The following RC3H2 variants were observed in gnomAD, a reference collection of about 807,000 sequenced individuals.
The protein encoded by RC3H2 is roquin-2.
Under a neutral mutation model 133.3 loss-of-function variants are expected in RC3H2, and 31 were observed. The observed-to-expected ratio is 0.23, with a 90% CI of 0.17 to 0.31. The LOEUF (loss-of-function observed/expected upper bound fraction) is 0.31. Among genes scored for constraint, RC3H2 ranks in the 10% least tolerant of loss-of-function variants. RC3H2 has a pLI of 1.00. For missense variants in RC3H2, 1,175 were observed against 1,437.2 expected (o/e 0.82, Z 2.95); for synonymous variants, 517 against 502.2 (o/e 1.03, Z -0.40).
chr9:122,879,640 G>T (rs1000793870), intron 8 of RC3H2, 115 bp downstream of exon 8: 13 of 692,350 alleles, frequency 1.9e-5, no homozygotes, highest in African/African-American at 1.8e-4. Context: ...GAATAGAGAT[G>T]ATAGAAACTT....
intron 13 of RC3H2, among the ~76,000 whole-genome samples, chr9:122,856,249 A>G (rs1164252654): frequency 7.2e-5 from 11 of 152,046 alleles, no homozygotes. Context: ...AAAGGAGTTT[A>G]TAATTTTCTT....
intron 8 of RC3H2, among the ~76,000 whole-genome samples, chr9:122,878,321 C>T (rs931555656): frequency 1.2e-4 from 18 of 152,138 alleles, no homozygotes; most frequent in Admixed American, 9.8e-4. Flanking sequence ...GGCTGGAGTG[C>T]AGTGGCGCCA....
chr9:122,852,921 C>T (rs1038750354), intron 18 of RC3H2, among the ~76,000 whole-genome samples: 151 of 151,888 alleles, frequency 9.9e-4, no homozygotes, highest in African/African-American at 3.5e-3. Context: ...ATGACAATGG[C>T]GGTTTTGTGG....
chr9:122,859,818 GATTA>G (rs1830388964), intron 11 of RC3H2, 95 bp downstream of exon 11: 2 of 1,019,470 alleles, frequency 2.0e-6, no homozygotes, highest in African/African-American at 1.6e-5. Context: ...TAGTCAAAAG[GATTA>G]ATTTTTTTAA....
In RC3H2 at chr9:122,855,710, T is replaced by A; in HGVS notation, c.2601+22A>T. 3 of 1,602,794 alleles carry A rather than the reference T, an allele frequency of 1.9e-6. No homozygotes were observed. The South Asian group carries it at 3.4e-5, about 18-fold the overall frequency. On this transcript the variant is annotated intron_variant, in intron 14 of 20. Transcript: ENST00000357244. Reference sequence around the variant, plus strand: ...TGCATCATCTCTCACCTCCAACCCCTGCAACCCCAGCAAAATCATACCATT... The same window carrying A: ...TGCATCATCTCTCACCTCCAACCCCAGCAACCCCAGCAAAATCATACCATT...
intron 6 of RC3H2, 179 bp from the exon 7 acceptor site, chr9:122,880,304 G>C (rs1293035764): frequency 1.2e-6 from 1 of 850,630 alleles, no homozygotes; most frequent in Non-Finnish European, 2.0e-6. Flanking sequence ...TTCATCATTA[G>C]ACACTTAGAA....
chr9:122,851,557 G>A, intron 18 of RC3H2, 121 bp from the exon 19 acceptor site: 6 of 1,326,600 alleles, frequency 4.5e-6, no homozygotes, highest in Non-Finnish European at 6.1e-6. Context: ...GCCGAAGCTG[G>A]ACTATACTGC....
rs370314971 is a variant in RC3H2, at chr9:122,859,101, T to A, written c.1851A>T (p.Gly617=). 122 of 1,541,146 alleles carry A rather than the reference T, an allele frequency of 7.9e-5. No individual in the cohort carries two copies. The highest frequency in any genetic ancestry group is 1.0e-4 in the Non-Finnish European group (120 of 1,144,612). Residue 617 remains glycine (G), a splice_region_variant and synonymous_variant, in exon 12 of 21, where the codon GGA becomes GGT. Coordinates refer to ENST00000357244, the MANE Select transcript of RC3H2 (RefSeq NM_001100588.3). ...GTACCGTTGGAGGTGGTGGATAGTA[T>A]CCTTGAAAATTGGAAAGAGGAATAT... ...PFEVPQYPQT[G]YYPPPPTVPA... is the part of the protein sequence containing the mutation.
intron 1 of RC3H2, among the ~76,000 whole-genome samples, chr9:122,902,079 G>A (rs576536037): frequency 2.6e-5 from 4 of 151,998 alleles, no homozygotes; most frequent in East Asian, 3.9e-4. Context: ...ACAGGCATGC[G>A]CCACCAGGCC....
chr9:122,864,715 G>C (rs1271409784), intron 10 of RC3H2, among the ~76,000 whole-genome samples: 1 of 151,916 alleles, frequency 6.6e-6, no homozygotes, highest in Non-Finnish European at 1.5e-5. Flanking sequence ...CCGCCTCCTG[G>C]GTTCATGCCA....
At chr9:122,896,809 C>T (rs759643077) in intron 2 of RC3H2, among the ~76,000 whole-genome samples, 11 of 151,750 alleles carry the variant, frequency 7.2e-5, no homozygotes, top group Non-Finnish European at 1.0e-4. Context: ...GATCACCTGA[C>T]GTCAGGAGCT....
chr9:122,904,421 T>G (rs1832764298), intron 1 of RC3H2, among the ~76,000 whole-genome samples: 1 of 152,198 alleles, frequency 6.6e-6, no homozygotes, highest in African/African-American at 2.4e-5. Context: ...TAGAAAAAAG[T>G]ACAGCTGCTT....
chr9:122,858,790 T>A lies in RC3H2; in HGVS notation c.2162A>T (p.Asp721Val). Residue 721 changes from aspartate (D) to valine (V), a missense_variant, in exon 12 of 21, where the codon GAT becomes GTT. Physicochemically the swap from Asp to Val is radical, Grantham distance 152. Around this residue, in one of 8 missense-constraint regions of RC3H2, gnomAD observed 490 missense variants for 492.8 expected, o/e 0.99. Coordinates refer to ENST00000357244, the MANE Select transcript of RC3H2 (RefSeq NM_001100588.3). ...CTGATAGACAGATGAGTGCATCACA[T>A]CCATTGGAGGTAAAGAATTGCTTCT... The part of the protein sequence containing the change: ...IIRSNSLPPM[D>V]VMHSSVYQTS... The A allele has an allele frequency of 6.2e-7, 1 of 1,614,258 alleles. No individual in the cohort carries two copies. The highest frequency in any genetic ancestry group is 8.5e-7 in the Non-Finnish European group (1 of 1,180,038).
chr9:122,869,392 G>T (rs1208792864), intron 9 of RC3H2, among the ~76,000 whole-genome samples: 1 of 151,964 alleles, frequency 6.6e-6, no homozygotes, highest in Non-Finnish European at 1.5e-5. Flanking sequence ...TAGTCCTCTG[G>T]TATCTATAAA....
rs1439031847 is a variant in RC3H2, at chr9:122,857,949, G to A, written c.2428C>T (p.Leu810=). Residue 810 remains leucine (L), a synonymous_variant, in exon 13 of 21, where the codon CTG becomes TTG. Transcript: ENST00000357244. ...ATQSPTPPSP[L]FSVDFRADFS... is the part of the protein sequence containing the mutation. ...TCCGCACGAAAGTCTACACTGAACA[G>A]AGGAGAAGGTGGTGTTGGTGACTGT... The A allele has an allele frequency of 5.6e-6, 9 of 1,614,062 alleles. No individual in the cohort carries two copies. Among genetic ancestry groups the A allele is most frequent in the South Asian group, 4.4e-5 (4 of 91,086 alleles).
chr9:122,901,928 C>CTTT (rs542589870), intron 1 of RC3H2, among the ~76,000 whole-genome samples: 5 of 116,848 alleles, frequency 4.3e-5, no homozygotes, highest in Non-Finnish European at 7.4e-5. Flanking sequence ...ATAACTACTT[C>CTTT]TTTTTTTTTT....
chr9:122,876,076 C>T (rs911116676), intron 9 of RC3H2, among the ~76,000 whole-genome samples: 1 of 151,928 alleles, frequency 6.6e-6, no homozygotes, highest in Non-Finnish European at 1.5e-5. Context: ...GCTTGGATCA[C>T]AAGGATGGAA....
At chr9:122,861,421 C>T (rs1327324847) in intron 10 of RC3H2, among the ~76,000 whole-genome samples, 6 of 145,246 alleles carry the variant, frequency 4.1e-5, no homozygotes, top group East Asian at 2.1e-4. Context: ...ACCCAGGAGG[C>T]GGAGGTTGTG....
Position 122,857,914 on chromosome 9 carries a change from C to T in RC3H2, c.2454+9G>A. ...CCCTGCAACATTAAGTAATTAAAACCTTTCTTACATCCGCACGAAAGTCTA... is the reference window on the plus strand; with the variant it reads ...CCCTGCAACATTAAGTAATTAAAACTTTTCTTACATCCGCACGAAAGTCTA... On this transcript the variant is annotated intron_variant, in intron 13 of 20. Transcript: ENST00000357244. The T allele has an allele frequency of 6.2e-7, 1 of 1,610,582 alleles. No individual in the cohort carries two copies. The highest frequency in any genetic ancestry group is 8.5e-7 in the Non-Finnish European group (1 of 1,178,178).
Sources: gnomAD v4.1 joint callset for allele counts (sites outside exome capture counted in the v4.1 genomes callset) on GRCh38, gnomAD v4.1.1 for gene constraint, gnomAD v4.1.1 regional missense constraint, MANE v1.5 for transcripts, NCBI Gene and HGNC (gene_info 2026-07-23, HGNC 2026-07-21) for gene names.